DOP1A: variants seen among roughly 807,000 people sequenced by gnomAD.
DOP1A encodes the protein DOP1 leucine zipper like protein A.
A neutral mutation model predicts 267.6 loss-of-function variants in DOP1A; 90 were observed. The observed-to-expected ratio is 0.34, with a 90% confidence interval of 0.28 to 0.40. The LOEUF is 0.40. DOP1A is among the 10% of genes least tolerant of loss of function. DOP1A has a pLI of 1.00. For synonymous variants in DOP1A, 932 were observed against 999.1 expected (o/e 0.93, Z 1.27); for missense variants, 2,437 against 2,900.4 (o/e 0.84, Z 3.67).
intron 7 of DOP1A, among the ~76,000 whole-genome samples, chr6:83,117,334 T>A (rs750599349): frequency 6.6e-5 from 10 of 151,808 alleles, no homozygotes; most frequent in Non-Finnish European, 1.2e-4. Context: ...GTAATTTTAG[T>A]AGAGATGGGG....
intron 11 of DOP1A, 28 bp downstream of exon 11, chr6:83,122,078 A>T (rs374012825): frequency 6.2e-7 from 1 of 1,606,750 alleles, no homozygotes; most frequent in Non-Finnish European, 8.5e-7. Context: ...TAAATGTGAC[A>T]TGAAGACATA....
At position 83,122,890 on chromosome 6, in the gene DOP1A, A is replaced by T. The variant is rs1363563122; in HGVS notation, c.1248A>T (p.Ala416=). 8 of 1,534,740 alleles carry T rather than the reference A, an allele frequency of 5.2e-6. No individual in the cohort carries two copies. The highest frequency in any genetic ancestry group is 7.0e-6 in the Non-Finnish European group (8 of 1,141,324). Residue 416 remains alanine (A), a synonymous_variant, in exon 12 of 39, where the codon GCA becomes GCT. Coordinates refer to ENST00000349129, the MANE Select transcript of DOP1A (RefSeq NM_015018.4). ...SSKLRENKKT[A]ELIKTANLLF... is the part of the protein sequence containing the mutation. ...AATTAAGAGAAAATAAGAAAACAGC[A>T]GAGCTGATTAAAACTGCTAACCTTC...
At chr6:83,158,872 C>T (rs1350220459) in intron 36 of DOP1A, among the ~76,000 whole-genome samples, 1 of 152,142 alleles carries the variant, frequency 6.6e-6, no homozygotes, top group African/African-American at 2.4e-5. Context: ...ATTGTTTCAG[C>T]TACATGAGCT....
chr6:83,112,330 C>T (rs1260063661), intron 6 of DOP1A, among the ~76,000 whole-genome samples: 1 of 151,444 alleles, frequency 6.6e-6, no homozygotes, highest in Non-Finnish European at 1.5e-5. Context: ...TAAACTACAC[C>T]AAGCCAGTTT....
Position 83,138,046 on chromosome 6 carries a change from A to G in DOP1A, c.4004A>G (p.Tyr1335Cys). 1.2e-6 allele frequency: 2 copies of G among 1,613,118 alleles called. No individual in the cohort carries two copies. Among genetic ancestry groups the G allele is most frequent in the Non-Finnish European group, 1.7e-6 (2 of 1,179,548 alleles). The change falls in exon 21 of 39, where the codon TAT becomes TGT. Residue 1335 changes from tyrosine to cysteine, a missense_variant. Physicochemically the swap from Tyr to Cys is radical, Grantham distance 194. Transcript: ENST00000349129. ...FSDGLDLENW[Y>C]SCGEGDISEI... ...GATGGTCTGGATTTAGAGAACTGGT[A>G]TAGCTGTGGAGAGGGAGACATTTCT...
intron 38 of DOP1A, chr6:83,164,609 C>T: frequency 6.6e-7 from 1 of 1,514,386 alleles, no homozygotes; most frequent in East Asian, 2.4e-5. Context: ...CATGGCCAAG[C>T]ATACTTTTCA....
chr6:83,134,548 TAGTG>T, intron 19 of DOP1A: 1 of 343,350 alleles, frequency 2.9e-6, no homozygotes, highest in Middle Eastern at 8.2e-4. Flanking sequence ...CTGATAATGT[TAGTG>T]ATAGAGCAAT....
chr6:83,152,147 A>G (rs748889299), intron 29 of DOP1A, 120 bp downstream of exon 29: 223 of 1,167,382 alleles, frequency 1.9e-4, no homozygotes, highest in Non-Finnish European at 2.5e-4. Flanking sequence ...CTAACAAGTA[A>G]CTTTTTTTCA....
intron 38 of DOP1A, 48 bp from the exon 39 acceptor site, chr6:83,167,814 C>T: frequency 1.3e-6 from 2 of 1,536,294 alleles, no homozygotes; most frequent in Non-Finnish European, 1.7e-6. Context: ...TTCTAACATA[C>T]CACATTGTCT....
At chr6:83,103,601 A>G (rs1489476388) in intron 4 of DOP1A, among the ~76,000 whole-genome samples, 1 of 152,204 alleles carries the variant, frequency 6.6e-6, no homozygotes, top group African/African-American at 2.4e-5. Flanking sequence ...AGGTCTTCCC[A>G]CTATGGCTTC....
At position 83,141,928 on chromosome 6, in the gene DOP1A, G is replaced by A; in HGVS notation, c.5423G>A (p.Arg1808Lys). 1 of 1,595,242 alleles carries A rather than the reference G, an allele frequency of 6.3e-7. No individual in the cohort carries two copies. ...TINLGATKNL[R>K]QQILELLGPI... is the part of the protein sequence containing the mutation. ...TGCTTCAAATTGTTTTAGAACTTGA[G>A]ACAACAGATTCTTGAATTGTTGGGC... The change falls in exon 24 of 39, where the codon AGA becomes AAA. Residue 1808 changes from arginine (R) to lysine (K), a missense_variant. This residue lies in a region of DOP1A where 307 missense variants were observed against 308.6 expected (regional missense o/e 0.99). Transcript: ENST00000349129.
intron 1 of DOP1A, among the ~76,000 whole-genome samples, chr6:83,083,706 T>G (rs1768562733): frequency 6.6e-6 from 1 of 152,202 alleles, no homozygotes; most frequent in Admixed American, 6.5e-5. Context: ...TGGACAATGT[T>G]TATTTGGCTA....
At chr6:83,134,958 C>T (rs1034290355) in intron 19 of DOP1A, among the ~76,000 whole-genome samples, 4 of 152,128 alleles carry the variant, frequency 2.6e-5, no homozygotes, top group Non-Finnish European at 5.9e-5. Flanking sequence ...TTTCAACCAG[C>T]ATTAGCATTT....
chr6:83,072,156 C>T (rs537172991), intron 1 of DOP1A, among the ~76,000 whole-genome samples: 2 of 152,202 alleles, frequency 1.3e-5, no homozygotes, highest in South Asian at 4.2e-4. Flanking sequence ...AAATAAATTC[C>T]CTGCTCTTAT....
chr6:83,153,756 A>G (rs1782191275), intron 31 of DOP1A, 136 bp downstream of exon 31: 2 of 1,175,034 alleles, frequency 1.7e-6, no homozygotes, highest in Non-Finnish European at 1.2e-6. Context: ...AAAAAAATTC[A>G]TATATTATTT....
At chr6:83,109,798 C>T (rs572762295) in intron 5 of DOP1A, among the ~76,000 whole-genome samples, 164 of 152,206 alleles carry the variant, frequency 1.1e-3, no homozygotes, top group Non-Finnish European at 1.8e-3. Flanking sequence ...TATTACTTAG[C>T]GTACTTTAAC....
chr6:83,167,993 C>A lies in DOP1A; in HGVS notation c.7224C>A (p.Asn2408Lys), dbSNP rs1460234837. 1 of 1,614,152 alleles carries A rather than the reference C, an allele frequency of 6.2e-7. No individual in the cohort carries two copies. ...TCAATGTGCTCAGTCAAGTCTTCAA[C>A]AGCAAAGTCACAAGCCGATGTGGAG... ...PFFNVLSQVF[N>K]SKVTSRCGGH... The change falls in exon 39 of 39, where the codon AAC becomes AAA. Residue 2408 changes from asparagine (N) to lysine (K), a missense_variant. Coordinates refer to ENST00000349129, the MANE Select transcript of DOP1A (RefSeq NM_015018.4).
At chr6:83,107,031 T>C (rs13191727) in intron 4 of DOP1A, among the ~76,000 whole-genome samples, 442 of 152,248 alleles carry the variant, frequency 2.9e-3, no homozygotes, top group Non-Finnish European at 3.2e-3. Context: ...AGTATCGTGA[T>C]TGATTAATGA....
At chr6:83,082,763 T>G in intron 1 of DOP1A, among the ~76,000 whole-genome samples, 1 of 152,284 alleles carries the variant, frequency 6.6e-6, no homozygotes, top group South Asian at 2.1e-4. Context: ...ATAATACAAT[T>G]TTATCTGTCA....
Sources: gnomAD v4.1 joint callset for allele counts (sites outside exome capture counted in the v4.1 genomes callset) on GRCh38, gnomAD v4.1.1 for gene constraint, gnomAD v4.1.1 regional missense constraint, MANE v1.5 for transcripts, NCBI Gene and HGNC (gene_info 2026-07-23, HGNC 2026-07-21) for gene names.